TYW3: variants seen among roughly 807,000 people sequenced by gnomAD.
The protein encoded by TYW3 is tRNA wybutosine-synthesizing protein 3 homolog.
In TYW3, 26 loss-of-function variants were observed where a neutral mutation model predicts 23.1. The observed-to-expected ratio is 1.13, with a 90% CI of 0.83 to 1.56. The LOEUF (loss-of-function observed/expected upper bound fraction) is 1.56. Ranked by LOEUF, TYW3 falls within the 40% of genes most tolerant of loss-of-function variation. TYW3 has a pLI of 0.00. For missense variants in TYW3, 316 were observed against 311.9 expected, an observed-to-expected ratio of 1.01 and a Z score of -0.10; for synonymous variants, 102 against 105.7, an observed-to-expected ratio of 0.97 and a Z score of 0.21.
rs778991657 is a variant in TYW3, at chr1:74,736,560, G to T, written c.193G>T (p.Val65Phe). 1.5e-5 allele frequency: 24 copies of T among 1,600,744 alleles called. No homozygotes were observed. The African/African-American group carries it at 2.9e-4, about 20-fold the overall frequency. Residue 65 changes from valine (V) to phenylalanine (F), a missense_variant, in exon 2 of 6, where the codon GTT becomes TTT. Transcript: ENST00000370867. Reference sequence around the variant, plus strand: ...ATTTTAGGGTATAAATGGTTTTGAGGTTCAGAAACAAAACTGTTGCTGGCT... The same window carrying T: ...ATTTTAGGGTATAAATGGTTTTGAGTTTCAGAAACAAAACTGTTGCTGGCT... ...LLDRGINGFEVQKQNCCWLLV... is the reference protein window; with the variant it reads ...LLDRGINGFEFQKQNCCWLLV...
chr1:74,739,543 C>T (rs1648278577), intron 3 of TYW3, among the ~76,000 whole-genome samples: 1 of 152,246 alleles, frequency 6.6e-6, no homozygotes. Context: ...ATGAACATTC[C>T]ATGAAGATGG....
At chr1:74,753,369 T>A (rs974632326) in intron 5 of TYW3, among the ~76,000 whole-genome samples, 1 of 152,206 alleles carries the variant, frequency 6.6e-6, no homozygotes, top group Non-Finnish European at 1.5e-5. Context: ...TATCAAATCA[T>A]GTTTGTAAAG....
chr1:74,735,710 A>G (rs1483114588), intron 1 of TYW3, among the ~76,000 whole-genome samples: 1 of 152,230 alleles, frequency 6.6e-6, no homozygotes, highest in African/African-American at 2.4e-5. Context: ...AGCCAGCACA[A>G]TGTCAGATAC....
chr1:74,744,421 G>C (rs946905862), intron 3 of TYW3, among the ~76,000 whole-genome samples: 2 of 151,994 alleles, frequency 1.3e-5, no homozygotes, highest in Non-Finnish European at 2.9e-5. Flanking sequence ...TTCACGGTTT[G>C]CGGGTCAAAT....
rs191437077 is a variant in TYW3, at chr1:74,752,715, A to G, written c.560+290A>G. ...GGAGAAACATAATTATTCTGGAAGG[A>G]CAGCCCAGCAGCCACAGGAACTGTA... On this transcript the variant is annotated intron_variant, in intron 5 of 5. Transcript: ENST00000370867. Among the ~76,000 whole-genome samples the G allele has an allele frequency of 1.1e-4, 16 of 152,276 alleles. No individual in the cohort carries two copies. The East Asian group carries it at 2.7e-3, about 26-fold the overall frequency.
At chr1:74,735,986 T>C (rs1648140593) in intron 1 of TYW3, among the ~76,000 whole-genome samples, 1 of 152,206 alleles carries the variant, frequency 6.6e-6, no homozygotes, top group South Asian at 2.1e-4. Context: ...AATATTAAAA[T>C]GTTTGCCTTC....
intron 3 of TYW3, among the ~76,000 whole-genome samples, chr1:74,747,272 G>T (rs1366592308): frequency 1.3e-5 from 2 of 152,160 alleles, no homozygotes; most frequent in African/African-American, 2.4e-5. Flanking sequence ...GGATGAAGAA[G>T]TAGAAAGCAT....
At chr1:74,754,274 A>G (rs1189728320) in intron 5 of TYW3, among the ~76,000 whole-genome samples, 1 of 152,250 alleles carries the variant, frequency 6.6e-6, no homozygotes, top group Admixed American at 6.5e-5. Context: ...TTCACCAACT[A>G]TAAAATCAAA....
intron 5 of TYW3, among the ~76,000 whole-genome samples, chr1:74,763,349 A>AT (rs1172005842): frequency 4.6e-5 from 7 of 152,130 alleles, no homozygotes; most frequent in African/African-American, 9.7e-5. Flanking sequence ...AATAAAGGCC[A>AT]ATCTAGATGA....
At chr1:74,742,087 T>C (rs1201482219) in intron 3 of TYW3, among the ~76,000 whole-genome samples, 1 of 152,208 alleles carries the variant, frequency 6.6e-6, no homozygotes, top group Non-Finnish European at 1.5e-5. Flanking sequence ...TCTATCCAAT[T>C]TGTAAAGGTA....
intron 5 of TYW3, among the ~76,000 whole-genome samples, chr1:74,763,529 T>C (rs926195886): frequency 2.6e-5 from 4 of 152,158 alleles, no homozygotes. Context: ...GAGTTATTTC[T>C]AGTTATGTAG....
intron 3 of TYW3, among the ~76,000 whole-genome samples, chr1:74,743,293 G>T (rs928267140): frequency 6.6e-6 from 1 of 152,114 alleles, no homozygotes; most frequent in Admixed American, 6.5e-5. Flanking sequence ...TAAGTCTGCA[G>T]CCTTTCTCGG....
At chr1:74,747,004 C>T (rs1648585178) in intron 3 of TYW3, among the ~76,000 whole-genome samples, 1 of 152,138 alleles carries the variant, frequency 6.6e-6, no homozygotes, top group Non-Finnish European at 1.5e-5. Flanking sequence ...GGAAGCCACT[C>T]AAGGTTAGAG....
chr1:74,746,621 T>C (rs186358632), intron 3 of TYW3, among the ~76,000 whole-genome samples: 4 of 152,290 alleles, frequency 2.6e-5, no homozygotes, highest in Non-Finnish European at 4.4e-5. Flanking sequence ...GAGCTTATAT[T>C]TGTATTCTAG....
At position 74,748,172 on chromosome 1, in the gene TYW3, G is replaced by T. The variant is rs138539463; in HGVS notation, c.355-579G>T. 1.9e-3 allele frequency among the ~76,000 whole-genome samples: 284 copies of T among 152,080 alleles called. 1 individual carries two copies. Among genetic ancestry groups the T allele is most frequent in the African/African-American group, 6.5e-3 (268 of 41,454 alleles). On this transcript the variant is annotated intron_variant, in intron 3 of 5. Coordinates refer to ENST00000370867, the MANE Select transcript of TYW3 (RefSeq NM_138467.3). ...CCAAAAATGGCTTCAGATATTGCCA[G>T]ATGGCCCCTGGGGTTCAAAATTATT...
chr1:74,763,175 T>TG (rs145557405), intron 5 of TYW3, among the ~76,000 whole-genome samples: 2,342 of 152,250 alleles, frequency 0.015, 29 homozygotes, highest in East Asian at 0.049. Flanking sequence ...ATATCTATTG[T>TG]GAAAACAAGC....
chr1:74,751,647 G>A (rs2100769857), intron 4 of TYW3, among the ~76,000 whole-genome samples: 1 of 151,936 alleles, frequency 6.6e-6, no homozygotes, highest in East Asian at 1.9e-4. Context: ...TCCAGCCGGG[G>A]CAACAAGAGT....
chr1:74,743,879 A>AC (rs969490214), intron 3 of TYW3, among the ~76,000 whole-genome samples: 85 of 152,312 alleles, frequency 5.6e-4, no homozygotes, highest in Non-Finnish European at 7.2e-4. Flanking sequence ...AAGAGAGATC[A>AC]CAGGTTTGCC....
chr1:74,733,406 A>G lies in TYW3; in HGVS notation c.162A>G (p.Leu54=), dbSNP rs1322837476. 4 of 1,613,716 alleles carry G rather than the reference A, an allele frequency of 2.5e-6. No individual in the cohort carries two copies. The highest frequency in any genetic ancestry group is 3.4e-6 in the Non-Finnish European group (4 of 1,179,946). Residue 54 remains leucine (L), a synonymous_variant, in exon 1 of 6, where the codon CTA becomes CTG. Coordinates refer to ENST00000370867, the MANE Select transcript of TYW3 (RefSeq NM_138467.3). ...FTTSSCAGRI[L]LLDRGINGFE... ...CCAGCTCCTGCGCTGGCCGCATCCT[A>G]CTCCTTGACCGGGTGAGGCCCCTTT... is the stretch of plus-strand genomic sequence containing the variant.
Sources: gnomAD v4.1 joint callset for allele counts (sites outside exome capture counted in the v4.1 genomes callset) on GRCh38, gnomAD v4.1.1 for gene constraint, MANE v1.5 for transcripts, NCBI Gene and HGNC (gene_info 2026-07-23, HGNC 2026-07-21) for gene names.